The following CDH12 variants were observed in gnomAD, a reference collection of about 807,000 sequenced individuals.
The protein encoded by CDH12 is cadherin 12, also known as cadherin-12.
A neutral mutation model predicts 74.1 loss-of-function variants in CDH12; 41 were observed. The ratio of observed to expected loss-of-function variants is 0.55; its 90% CI spans 0.43 to 0.72. The LOEUF (loss-of-function observed/expected upper bound fraction) is 0.72. Among genes scored for constraint, CDH12 ranks in the 30% least tolerant of loss-of-function variants. The pLI is 0.00. For synonymous variants in CDH12, 399 were observed against 355.0 expected (o/e 1.12, Z -1.39); for missense variants, 945 against 977.2 (o/e 0.97, Z 0.44).
chr5:22,822,533 C>G (rs1380318839), intron 1 of CDH12, among the ~76,000 whole-genome samples: 7 of 151,892 alleles, frequency 4.6e-5, no homozygotes, highest in Non-Finnish European at 7.4e-5. Flanking sequence ...AAGAAATTTA[C>G]AAGAAAAAAA....
At chr5:21,963,374 A>G (rs914243538) in intron 6 of CDH12, among the ~76,000 whole-genome samples, 9 of 152,048 alleles carry the variant, frequency 5.9e-5, no homozygotes, top group Non-Finnish European at 1.0e-4. Flanking sequence ...TAAGCAGACA[A>G]CCTACAAAAT....
chr5:22,000,335 T>C (rs1253070495), intron 5 of CDH12, among the ~76,000 whole-genome samples: 9 of 152,172 alleles, frequency 5.9e-5, no homozygotes, highest in South Asian at 2.1e-4. Flanking sequence ...CCAATATCTA[T>C]GTGTACTAGG....
At chr5:22,168,803 A>G (rs1417629990) in intron 4 of CDH12, among the ~76,000 whole-genome samples, 3 of 143,574 alleles carry the variant, frequency 2.1e-5, no homozygotes, top group Non-Finnish European at 4.6e-5. Context: ...TCCTTCAAAG[A>G]ATAATCAAGG....
chr5:22,478,270 A>T (rs1195550710), intron 2 of CDH12, among the ~76,000 whole-genome samples: 2 of 151,734 alleles, frequency 1.3e-5, no homozygotes, highest in Non-Finnish European at 2.9e-5. Flanking sequence ...TACAAAAAAT[A>T]AGCCGGGCGA....
chr5:21,897,184 C>A (rs367688602), intron 6 of CDH12, among the ~76,000 whole-genome samples: 3 of 152,204 alleles, frequency 2.0e-5, no homozygotes, highest in East Asian at 1.9e-4. Context: ...TTTTCAAAGA[C>A]CCTATGCCTA....
chr5:22,411,066 G>T (rs986458338), intron 2 of CDH12, among the ~76,000 whole-genome samples: 2 of 151,928 alleles, frequency 1.3e-5, no homozygotes, highest in African/African-American at 4.8e-5. Context: ...TGACACCTCT[G>T]ATTGTAAAGT....
intron 1 of CDH12, among the ~76,000 whole-genome samples, chr5:22,595,431 G>T (rs1330859073): frequency 6.6e-6 from 1 of 152,152 alleles, no homozygotes; most frequent in African/African-American, 2.4e-5. Flanking sequence ...GCAAGGTCAT[G>T]ATATGCCTGA....
At chr5:22,052,419 C>G (rs34966874) in intron 5 of CDH12, among the ~76,000 whole-genome samples, 2,569 of 152,238 alleles carry the variant, frequency 0.017, 33 homozygotes, top group Non-Finnish European at 0.026. Context: ...TCACCTATGA[C>G]AGCCCACCCT....
chr5:22,272,018 C>T (rs748115924), intron 3 of CDH12, among the ~76,000 whole-genome samples: 8 of 152,126 alleles, frequency 5.3e-5, no homozygotes, highest in Non-Finnish European at 8.8e-5. Flanking sequence ...GCCTGTCCTT[C>T]GAACTTTGAA....
Position 22,215,319 on chromosome 5 carries a change from C to T in CDH12, c.-332-2676G>A, listed in dbSNP as rs1411291901. 3.9e-5 allele frequency among the ~76,000 whole-genome samples: 6 copies of T among 152,016 alleles called. No homozygotes were observed. In the East Asian group the frequency reaches 7.7e-4, roughly 20 times the overall value. On this transcript the variant is annotated intron_variant, in intron 3 of 14. Coordinates refer to ENST00000382254, the MANE Select transcript of CDH12 (RefSeq NM_004061.5). ...ACCCTTACTTCCAACAGAATGGGAA[C>T]ATTTTCTAGATTTTATGATTAACAA...
chr5:22,569,896 T>C (rs1739462161), intron 1 of CDH12, among the ~76,000 whole-genome samples: 1 of 152,106 alleles, frequency 6.6e-6, no homozygotes, highest in Admixed American at 6.6e-5. Context: ...TATTTTGACC[T>C]CCTCCCATCA....
chr5:22,827,864 T>C (rs1024077078), intron 1 of CDH12, among the ~76,000 whole-genome samples: 2 of 152,108 alleles, frequency 1.3e-5, no homozygotes, highest in African/African-American at 4.8e-5. Flanking sequence ...TACTTCAAAA[T>C]TAATAATACT....
At chr5:22,576,410 C>G (rs762647397) in intron 1 of CDH12, among the ~76,000 whole-genome samples, 1 of 152,266 alleles carries the variant, frequency 6.6e-6, no homozygotes, top group East Asian at 1.9e-4. Flanking sequence ...ACCACAAATG[C>G]CTGTCCTAAC....
chr5:21,756,744 C>T (rs1038433074), intron 13 of CDH12, among the ~76,000 whole-genome samples: 13 of 152,118 alleles, frequency 8.5e-5, no homozygotes, highest in African/African-American at 2.7e-4. Flanking sequence ...ATGCATAACA[C>T]TTGAGAATAA....
At chr5:21,812,440 A>G (rs1747798788) in intron 9 of CDH12, among the ~76,000 whole-genome samples, 1 of 152,144 alleles carries the variant, frequency 6.6e-6, no homozygotes, top group Non-Finnish European at 1.5e-5. Flanking sequence ...TTACATACAC[A>G]GTTATTGAGA....
At chr5:22,473,046 C>G (rs184107405) in intron 2 of CDH12, among the ~76,000 whole-genome samples, 1 of 152,122 alleles carries the variant, frequency 6.6e-6, no homozygotes, top group Non-Finnish European at 1.5e-5. Context: ...TTTTTCCTTC[C>G]TTCTTTACTG....
intron 4 of CDH12, among the ~76,000 whole-genome samples, chr5:22,189,991 A>T (rs1032588587): frequency 6.3e-4 from 96 of 152,036 alleles, no homozygotes; most frequent in African/African-American, 2.3e-3. Context: ...TCAGTTAGGC[A>T]CAGATGCTGA....
At chr5:22,545,846 T>C (rs1738300614) in intron 1 of CDH12, among the ~76,000 whole-genome samples, 2 of 152,208 alleles carry the variant, frequency 1.3e-5, no homozygotes, top group Non-Finnish European at 2.9e-5. Context: ...AAATGTCTAT[T>C]GGTGAAAAAT....
At chr5:21,796,002 G>A (rs1030972371) in intron 10 of CDH12, among the ~76,000 whole-genome samples, 2 of 151,932 alleles carry the variant, frequency 1.3e-5, no homozygotes, top group African/African-American at 2.4e-5. Context: ...CAACTAATTA[G>A]TATAATTTAA....
Sources: gnomAD v4.1 joint callset for allele counts (sites outside exome capture counted in the v4.1 genomes callset) on GRCh38, gnomAD v4.1.1 for gene constraint, MANE v1.5 for transcripts, NCBI Gene and HGNC (gene_info 2026-07-23, HGNC 2026-07-21) for gene names.